ARFGEF1: variants seen among roughly 807,000 people sequenced by gnomAD.
ARFGEF1 encodes the protein ARF guanine nucleotide exchange factor 1.
ARFGEF1 carries 42 observed loss-of-function variants against 231.0 expected under a neutral mutation model. The observed-to-expected ratio is 0.18, with a 90% CI of 0.14 to 0.24. The LOEUF is 0.24. ARFGEF1 is among the 10% of genes least tolerant of loss of function. The pLI is 1.00. For missense variants in ARFGEF1, 1,345 were observed against 2,192.0 expected (o/e 0.61, Z 7.72); for synonymous variants, 710 against 732.3 (o/e 0.97, Z 0.49).
At chr8:67,283,173 TAC>T (rs1458207298) in intron 7 of ARFGEF1, among the ~76,000 whole-genome samples, 1 of 152,156 alleles carries the variant, frequency 6.6e-6, no homozygotes, top group African/African-American at 2.4e-5. Flanking sequence ...ATACCATCAT[TAC>T]AGTGACATTA....
chr8:67,215,084 A>G (rs1329544455), intron 33 of ARFGEF1, among the ~76,000 whole-genome samples: 4 of 152,138 alleles, frequency 2.6e-5, no homozygotes, highest in Non-Finnish European at 5.9e-5. Context: ...ATGAGATCGT[A>G]TATCTTATGC....
At chr8:67,177,460 A>C (rs904991249) in intron 5 of ARFGEF1, among the ~76,000 whole-genome samples, 9 of 152,292 alleles carry the variant, frequency 5.9e-5, no homozygotes, top group Admixed American at 3.3e-4. Flanking sequence ...CAATGATTTT[A>C]CTTGTTATGT....
Position 67,343,752 on chromosome 8 carries a change from C to T in ARFGEF1, c.-465G>A. 1 of 279,214 alleles carries T rather than the reference C, an allele frequency of 3.6e-6. No individual in the cohort carries two copies. The highest frequency in any genetic ancestry group is 5.5e-6 in the Non-Finnish European group (1 of 182,760). The allele number at this position is 279,214 out of a possible 1,614,324, so 17.3% of individuals were successfully genotyped here. On this transcript the variant is annotated 5_prime_UTR_variant, in exon 1 of 39. Transcript: ENST00000262215. Reference sequence around the variant, plus strand: ...GCGAACTGGCCCCCATCACCGCCGACCTGCCCCGGCCGCCATGTTGGGAGG... The same window carrying T: ...GCGAACTGGCCCCCATCACCGCCGATCTGCCCCGGCCGCCATGTTGGGAGG...
At chr8:67,253,741 A>G (rs1320978647) in intron 17 of ARFGEF1, 119 bp from the exon 18 acceptor site, 2 of 543,808 alleles carry the variant, frequency 3.7e-6, no homozygotes, top group Non-Finnish European at 5.8e-6. Context: ...AGAAACTGGA[A>G]AGTATTCAAC....
At chr8:67,342,626 T>C (rs1443488488) in intron 1 of ARFGEF1, among the ~76,000 whole-genome samples, 1 of 152,036 alleles carries the variant, frequency 6.6e-6, no homozygotes, top group Non-Finnish European at 1.5e-5. Flanking sequence ...GGCGGAGAGA[T>C]GTCAGAACGG....
intron 10 of ARFGEF1, among the ~76,000 whole-genome samples, chr8:67,269,430 G>A (rs1170835688): frequency 7.0e-6 from 1 of 142,518 alleles, no homozygotes; most frequent in East Asian, 2.1e-4. Context: ...TTAGCTCACT[G>A]CAACCTCGGC....
intron 4 of ARFGEF1, among the ~76,000 whole-genome samples, chr8:67,297,724 G>C (rs1806298667): frequency 6.6e-6 from 1 of 152,076 alleles, no homozygotes; most frequent in South Asian, 2.1e-4. Context: ...ATGCTATGCA[G>C]GGTCAGCATT....
chr8:67,319,319 A>T (rs1186488824), intron 1 of ARFGEF1, among the ~76,000 whole-genome samples: 3 of 152,202 alleles, frequency 2.0e-5, no homozygotes, highest in Non-Finnish European at 4.4e-5. Context: ...AATTTTAAGA[A>T]TTTTAAATTA....
intron 19 of ARFGEF1, among the ~76,000 whole-genome samples, chr8:67,243,288 G>GTAAT (rs1159107659): frequency 1.3e-5 from 2 of 152,184 alleles, no homozygotes; most frequent in Non-Finnish European, 1.5e-5. Context: ...CCAACACTGT[G>GTAAT]TAATTTATAA....
At chr8:67,245,312 G>A (rs1349042546) in intron 19 of ARFGEF1, among the ~76,000 whole-genome samples, 1 of 150,316 alleles carries the variant, frequency 6.7e-6, no homozygotes, top group African/African-American at 2.5e-5. Flanking sequence ...AAAGTACACA[G>A]AAAAATATAG....
intron 6 of ARFGEF1, among the ~76,000 whole-genome samples, chr8:67,291,342 T>C (rs910176492): frequency 2.6e-5 from 4 of 151,986 alleles, no homozygotes; most frequent in Non-Finnish European, 4.4e-5. Flanking sequence ...GTGATTACTA[T>C]GCATCATGAT....
At chr8:67,234,371 A>C (rs1298618426) in intron 22 of ARFGEF1, among the ~76,000 whole-genome samples, 1 of 152,304 alleles carries the variant, frequency 6.6e-6, no homozygotes, top group Non-Finnish European at 1.5e-5. Context: ...ACTAATTTCA[A>C]TAGGGACAAG....
intron 1 of ARFGEF1, among the ~76,000 whole-genome samples, chr8:67,329,024 A>C (rs1193470992): frequency 6.6e-6 from 1 of 152,092 alleles, no homozygotes; most frequent in Non-Finnish European, 1.5e-5. Context: ...TCAGGAGTTC[A>C]AGACCAGCCT....
At chr8:67,229,307 T>C (rs1839479827) in intron 23 of ARFGEF1, among the ~76,000 whole-genome samples, 1 of 152,100 alleles carries the variant, frequency 6.6e-6, no homozygotes, top group Admixed American at 6.6e-5. Context: ...CACTTTTCTA[T>C]ACTGCCTCAC....
At chr8:67,194,941 T>C (rs992169303), downstream of ARFGEF1, among the ~76,000 whole-genome samples, 9 of 152,162 alleles carry the variant, frequency 5.9e-5, no homozygotes, top group Non-Finnish European at 1.2e-4. Flanking sequence ...TATAGCAGTG[T>C]TGTAGGTTGA....
chr8:67,184,997 C>T (rs564150494), intron 5 of ARFGEF1, among the ~76,000 whole-genome samples: 20 of 145,876 alleles, frequency 1.4e-4, no homozygotes, highest in Non-Finnish European at 2.7e-4. Flanking sequence ...CCCAGCTGCT[C>T]GGGAGGCTGA....
chr8:67,198,833 C>A lies in ARFGEF1; in HGVS notation c.*101G>T. The A allele has an allele frequency of 6.6e-7, 1 of 1,525,350 alleles. No homozygotes were observed. Among genetic ancestry groups the A allele is most frequent in the Non-Finnish European group, 8.8e-7 (1 of 1,142,260 alleles). The allele number at this position is 1,525,350 out of a possible 1,614,324, so 94.5% of individuals were successfully genotyped here. A position where few individuals can be genotyped will look rare whatever the true frequency, so the allele number is the denominator to read the frequency against. On this transcript the variant is annotated 3_prime_UTR_variant, in exon 39 of 39. Transcript: ENST00000262215. ...AGCATCTTTACCAGTAACTCAGACA[C>A]TGCAATCCAGAGAAATCATTTTTCA... is the stretch of plus-strand genomic sequence containing the variant.
At chr8:67,283,724 C>T (rs1228469361) in intron 7 of ARFGEF1, among the ~76,000 whole-genome samples, 5 of 151,244 alleles carry the variant, frequency 3.3e-5, no homozygotes, top group Admixed American at 3.3e-4. Flanking sequence ...TACTAATGAT[C>T]CTACAGATAT....
At chr8:67,190,377 C>T (rs774093687) in intron 5 of ARFGEF1, among the ~76,000 whole-genome samples, 1 of 152,116 alleles carries the variant, frequency 6.6e-6, no homozygotes, top group Non-Finnish European at 1.5e-5. Context: ...TCTGTTGAAA[C>T]AGAGCCGTGT....
Sources: allele counts gnomAD v4.1 joint callset (sites outside exome capture counted in the v4.1 genomes callset), GRCh38; gene constraint gnomAD v4.1.1; transcripts MANE v1.5; gene names NCBI Gene and HGNC (gene_info 2026-07-23, HGNC 2026-07-21).